The following APBB2 variants were observed in gnomAD, a reference collection of about 807,000 sequenced individuals.
APBB2 encodes amyloid beta precursor protein binding family B member 2.
A neutral mutation model predicts 82.5 loss-of-function variants in APBB2; 38 were observed. That is an observed-to-expected ratio of 0.46 (90% CI 0.36 to 0.60). The LOEUF (loss-of-function observed/expected upper bound fraction) is 0.60, where lower values mean the gene tolerates loss of function less well. Among genes scored for constraint, APBB2 ranks in the 20% least tolerant of loss-of-function variants. APBB2 has a pLI of 0.00. For synonymous variants in APBB2, 341 were observed against 368.2 expected, an observed-to-expected ratio of 0.93 and a Z score of 0.85; for missense variants, 772 against 972.3, an observed-to-expected ratio of 0.79 and a Z score of 2.74.
intron 12 of APBB2, among the ~76,000 whole-genome samples, chr4:40,843,352 T>TGGTGGAACCA (rs1756512792): frequency 2.6e-5 from 4 of 151,932 alleles, no homozygotes; most frequent in African/African-American, 9.7e-5. Flanking sequence ...AACCACAAAG[T>TGGTGGAACCA]CATTAAGTGG....
At chr4:41,085,667 A>G (rs1038307798) in intron 3 of APBB2, among the ~76,000 whole-genome samples, 2 of 152,196 alleles carry the variant, frequency 1.3e-5, no homozygotes, top group Non-Finnish European at 2.9e-5. Context: ...TAGTGAGACA[A>G]AGGCACTACC....
intron 5 of APBB2, among the ~76,000 whole-genome samples, chr4:41,027,308 G>A (rs75952293): frequency 0.043 from 6,409 of 148,362 alleles, 304 homozygotes; most frequent in African/African-American, 0.12. Context: ...GCTGAGTACA[G>A]TAACTTTTTT....
At chr4:40,947,956 C>T (rs1366805478) in intron 6 of APBB2, among the ~76,000 whole-genome samples, 1 of 152,180 alleles carries the variant, frequency 6.6e-6, no homozygotes, top group Non-Finnish European at 1.5e-5. Flanking sequence ...GGAACTGGAA[C>T]TTGGCACTTA....
intron 1 of APBB2, among the ~76,000 whole-genome samples, chr4:41,194,452 G>A: frequency 6.6e-6 from 1 of 152,234 alleles, no homozygotes; most frequent in Non-Finnish European, 1.5e-5. Flanking sequence ...GGAGGCCACG[G>A]CAGGTGGACT....
chr4:40,932,133 G>A (rs144797456), intron 10 of APBB2, among the ~76,000 whole-genome samples: 1 of 152,302 alleles, frequency 6.6e-6, no homozygotes. Flanking sequence ...TCCATTCCAT[G>A]CTTTCCCTCT....
chr4:40,848,074 A>G (rs1367203126), intron 12 of APBB2, among the ~76,000 whole-genome samples: 1 of 152,174 alleles, frequency 6.6e-6, no homozygotes, highest in Non-Finnish European at 1.5e-5. Flanking sequence ...TCAAAAAAGT[A>G]TTTGGATTAC....
chr4:41,134,828 C>T (rs978330027), intron 2 of APBB2, among the ~76,000 whole-genome samples: 1 of 152,178 alleles, frequency 6.6e-6, no homozygotes, highest in East Asian at 1.9e-4. Context: ...CTCAATAATA[C>T]TTCATTTCGT....
chr4:41,193,260 A>G (rs1464508969), intron 1 of APBB2, among the ~76,000 whole-genome samples: 1 of 152,230 alleles, frequency 6.6e-6, no homozygotes, highest in Non-Finnish European at 1.5e-5. Context: ...AAAAGATGAT[A>G]AAGACCTGGA....
chr4:41,101,257 G>A (rs557038669), intron 2 of APBB2, among the ~76,000 whole-genome samples: 1 of 151,436 alleles, frequency 6.6e-6, no homozygotes, highest in South Asian at 2.1e-4. Context: ...GAGGTCAGGA[G>A]ATCGAGACCA....
chr4:41,210,520 G>A (rs1561049723), intron 1 of APBB2, among the ~76,000 whole-genome samples: 2 of 152,282 alleles, frequency 1.3e-5, no homozygotes, highest in African/African-American at 4.8e-5. Context: ...TGAGAGAAAT[G>A]CCGTCAACAC....
chr4:41,066,819 G>A (rs1016063684), intron 3 of APBB2, among the ~76,000 whole-genome samples: 1 of 152,188 alleles, frequency 6.6e-6, no homozygotes, highest in Non-Finnish European at 1.5e-5. Context: ...TATCCTGGGT[G>A]TAAACAGCCA....
rs181710541 is a variant in APBB2, at chr4:40,872,343, C to T, written c.1529+18021G>A. On this transcript the variant is annotated intron_variant, in intron 12 of 17. Transcript: ENST00000508593. ...CTAACCTAGCCTGTGCTGAAGGACACGAACGGTGACAGAAAGGCTAACAGA... is the reference window on the plus strand; with the variant it reads ...CTAACCTAGCCTGTGCTGAAGGACATGAACGGTGACAGAAAGGCTAACAGA... 4.6e-5 allele frequency among the ~76,000 whole-genome samples: 7 copies of T among 152,286 alleles called. 1 individual carries two copies. Among genetic ancestry groups the T allele is most frequent in the South Asian group, 2.1e-4 (1 of 4,824 alleles).
At chr4:41,206,392 T>C (rs1360222044) in intron 1 of APBB2, among the ~76,000 whole-genome samples, 1 of 152,212 alleles carries the variant, frequency 6.6e-6, no homozygotes, top group Non-Finnish European at 1.5e-5. Flanking sequence ...TCTGTCCTCC[T>C]GAACTTAGCA....
At chr4:41,110,251 G>A (rs1748717625) in intron 2 of APBB2, among the ~76,000 whole-genome samples, 2 of 152,198 alleles carry the variant, frequency 1.3e-5, no homozygotes, top group African/African-American at 2.4e-5. Context: ...TGTTTACTGA[G>A]TGAAATGATT....
intron 15 of APBB2, 140 bp from the exon 16 acceptor site, chr4:40,823,899 C>T (rs1294724145): frequency 1.5e-5 from 9 of 616,848 alleles, no homozygotes; most frequent in Non-Finnish European, 2.0e-5. Flanking sequence ...GTTTGCTCAA[C>T]AGGAATGAAA....
chr4:41,201,988 C>A (rs17660753), intron 1 of APBB2, among the ~76,000 whole-genome samples: 2 of 152,144 alleles, frequency 1.3e-5, no homozygotes, highest in Non-Finnish European at 2.9e-5. Flanking sequence ...GTGACTTCCC[C>A]GCTCCTCGGA....
intron 1 of APBB2, among the ~76,000 whole-genome samples, chr4:41,152,200 G>A (rs1328319398): frequency 6.6e-6 from 1 of 151,840 alleles, no homozygotes; most frequent in Non-Finnish European, 1.5e-5. Flanking sequence ...GCATTTAGTT[G>A]TGATTACATG....
chr4:41,015,080 C>T (rs1809513974), intron 5 of APBB2, among the ~76,000 whole-genome samples: 1 of 152,140 alleles, frequency 6.6e-6, no homozygotes, highest in South Asian at 2.1e-4. Flanking sequence ...TAGCATTGAG[C>T]CCTTGGCTAC....
chr4:41,038,958 T>C (rs997461723), intron 4 of APBB2, among the ~76,000 whole-genome samples: 1 of 145,756 alleles, frequency 6.9e-6, no homozygotes, highest in Non-Finnish European at 1.5e-5. Flanking sequence ...ATGTGTTGTA[T>C]TGACAACTCA....
Sources: gnomAD v4.1 joint callset for allele counts (sites outside exome capture counted in the v4.1 genomes callset) on GRCh38, gnomAD v4.1.1 for gene constraint, MANE v1.5 for transcripts, NCBI Gene and HGNC (gene_info 2026-07-23, HGNC 2026-07-21) for gene names.